Variants in NME8 observed in about 807,000 individuals in gnomAD.
NME8 encodes the protein protein NME8.
A neutral mutation model predicts 82.3 loss-of-function variants in NME8; 72 were observed. The observed-to-expected ratio is 0.87, with a 90% confidence interval of 0.72 to 1.06. NME8 has a LOEUF of 1.06. Ranked by LOEUF, NME8 falls within the 50% of genes least tolerant of loss-of-function variation. The probability of loss-of-function intolerance (pLI) is 0.00; values close to 1 mark genes in which losing one functional copy is unlikely to be tolerated. For missense variants in NME8, 712 were observed against 685.4 expected (o/e 1.04, Z -0.43); for synonymous variants, 267 against 228.5 (o/e 1.17, Z -1.52).
chr7:37,868,200 G>T (rs552006743), intron 11 of NME8, among the ~76,000 whole-genome samples: 1 of 152,136 alleles, frequency 6.6e-6, no homozygotes, highest in Non-Finnish European at 1.5e-5. Flanking sequence ...AGTGCAGCGG[G>T]GCTCCTCAGT....
intron 5 of NME8, 145 bp from the exon 6 acceptor site, chr7:37,857,129 G>A (rs1250668012): frequency 1.5e-6 from 1 of 650,826 alleles, no homozygotes; most frequent in Non-Finnish European, 2.7e-6. Flanking sequence ...AGTATGTGCA[G>A]TTTGATCCCT....
intron 16 of NME8, among the ~76,000 whole-genome samples, chr7:37,896,306 G>A (rs904321925): frequency 3.9e-5 from 6 of 152,198 alleles, no homozygotes; most frequent in African/African-American, 1.2e-4. Flanking sequence ...TCAGGCTATT[G>A]AGTAATGATG....
rs563795208 is a variant in NME8, at chr7:37,898,895, A to T, written c.*16-1349A>T. Reference sequence around the variant, plus strand: ...ACAACCCCTGACATATTGCCAGGATAAAAAAAATAGTAACAAAAATAGTGA... The same window carrying T: ...ACAACCCCTGACATATTGCCAGGATTAAAAAAATAGTAACAAAAATAGTGA... On this transcript the variant is annotated intron_variant, in intron 17 of 17. Transcript: ENST00000199447. 7.2e-5 allele frequency among the ~76,000 whole-genome samples: 11 copies of T among 152,176 alleles called. No homozygotes were observed. In the East Asian group the frequency reaches 2.1e-3, roughly 29 times the overall value.
chr7:37,851,927 C>T (rs1784443465), intron 5 of NME8, among the ~76,000 whole-genome samples: 1 of 152,120 alleles, frequency 6.6e-6, no homozygotes, highest in South Asian at 2.1e-4. Context: ...TGCCTACTGA[C>T]CTTGTATTTC....
At chr7:37,863,899 C>A (rs1433344132) in intron 8 of NME8, among the ~76,000 whole-genome samples, 1 of 152,166 alleles carries the variant, frequency 6.6e-6, no homozygotes, top group Non-Finnish European at 1.5e-5. Context: ...GGAGCAGAGG[C>A]AAACAGCCAT....
intron 13 of NME8, 56 bp from the exon 14 acceptor site, chr7:37,885,089 A>G (rs2131967879): frequency 9.6e-7 from 1 of 1,038,624 alleles, no homozygotes; most frequent in Non-Finnish European, 1.5e-6. Flanking sequence ...GCCTATACAT[A>G]ATTAGCTACT....
intron 12 of NME8, among the ~76,000 whole-genome samples, chr7:37,882,609 GAGAGAGAAAGAA>G (rs200676159): frequency 0.011 from 588 of 54,500 alleles, 12 homozygotes; most frequent in Middle Eastern, 0.034. Context: ...GAGAGAGAGA[GAGAGAGAAAGAA>G]AGAAAGAAAG....
At position 37,900,237 on chromosome 7, in the gene NME8, T is replaced by C. The variant is rs999636592; in HGVS notation, c.*16-7T>C. On this transcript the variant is annotated splice_region_variant and splice_polypyrimidine_tract_variant and intron_variant, in intron 17 of 17. Transcript: ENST00000199447. ...TATTTTATTAAGTGCATTCTTTCTT[T>C]TCCTAGAACTTTGAGAAGATAATAC... 7 of 152,226 alleles carry C rather than the reference T, an allele frequency of 4.6e-5. No individual in the cohort carries two copies. The highest frequency in any genetic ancestry group is 1.4e-4 in the African/African-American group (6 of 41,452). 9.4% of individuals were successfully genotyped at this position (152,226 alleles called of 1,614,324 possible).
intron 12 of NME8, among the ~76,000 whole-genome samples, chr7:37,880,757 G>T (rs567975480): frequency 6.6e-6 from 1 of 152,092 alleles, no homozygotes; most frequent in South Asian, 2.1e-4. Context: ...ATTAAGTCTT[G>T]TTATCTATGA....
Position 37,885,133 on chromosome 7 carries a change from CT to C in NME8, c.1140-8del, listed in dbSNP as rs780386616. On this transcript the variant is annotated splice_polypyrimidine_tract_variant and intron_variant, in intron 13 of 17. Coordinates refer to ENST00000199447, the MANE Select transcript of NME8 (RefSeq NM_016616.5). ...CTTCTTATTACCTCTTCTTTGTTTT[CT>C]TTTCTAATAGTGGTCCATCTCTAGC... 156 of 1,570,984 alleles carry C rather than the reference CT, an allele frequency of 9.9e-5. No homozygotes were observed. The highest frequency in any genetic ancestry group is 1.3e-4 in the Non-Finnish European group (144 of 1,141,676).
chr7:37,871,144 C>G (rs1382134802), intron 11 of NME8, among the ~76,000 whole-genome samples: 1 of 152,150 alleles, frequency 6.6e-6, no homozygotes, highest in Non-Finnish European at 1.5e-5. Context: ...TGATTGGTGA[C>G]CCCTCTGCGT....
rs73340811 is a variant in NME8, at chr7:37,871,439, T to A, written c.818+3541T>A. Among the ~76,000 whole-genome samples, 885 of 152,372 alleles carry A rather than the reference T, an allele frequency of 5.8e-3. 9 individuals are homozygous for A. The highest frequency in any genetic ancestry group is 0.019 in the African/African-American group (799 of 41,576). ...TAAGAAATCAAAGGATAGTGTAATT[T>A]ATCTTTGCTTTCCAGTCTTTCTACA... On this transcript the variant is annotated intron_variant, in intron 11 of 17. Transcript: ENST00000199447.
chr7:37,850,228 T>C, intron 2 of NME8, 32 bp from the exon 3 acceptor site: 1 of 1,562,172 alleles, frequency 6.4e-7, no homozygotes, highest in Non-Finnish European at 8.8e-7. Flanking sequence ...AATTTCCTAC[T>C]TAAAAATTTT....
intron 11 of NME8, among the ~76,000 whole-genome samples, chr7:37,868,482 G>T (rs913338277): frequency 6.6e-6 from 1 of 152,110 alleles, no homozygotes; most frequent in East Asian, 1.9e-4. Context: ...GGGAAGTCTA[G>T]TTACTTCTAA....
intron 5 of NME8, among the ~76,000 whole-genome samples, chr7:37,856,318 C>T (rs1302500075): frequency 1.3e-5 from 2 of 152,142 alleles, no homozygotes; most frequent in Non-Finnish European, 2.9e-5. Flanking sequence ...AAAATCAAAG[C>T]TTTTATTTAA....
intron 5 of NME8, among the ~76,000 whole-genome samples, chr7:37,853,013 G>A (rs1328175635): frequency 6.6e-6 from 1 of 152,138 alleles, no homozygotes; most frequent in Admixed American, 6.6e-5. Flanking sequence ...CTGGATTTTG[G>A]TCATCCTAAT....
Position 37,885,268 on chromosome 7 carries a change from T to C in NME8, c.1247+16T>C, listed in dbSNP as rs1301475723. ...TTCCAGAGAGGTAGGATTCATACCATGGGTCACTATCTGTTTTCGTGGGCT... is the reference window on the plus strand; with the variant it reads ...TTCCAGAGAGGTAGGATTCATACCACGGGTCACTATCTGTTTTCGTGGGCT... On this transcript the variant is annotated intron_variant, in intron 14 of 17. Transcript: ENST00000199447. 1.3e-6 allele frequency: 2 copies of C among 1,507,722 alleles called. No individual in the cohort carries two copies. The highest frequency in any genetic ancestry group is 1.8e-6 in the Non-Finnish European group (2 of 1,083,768). 93.4% of individuals were successfully genotyped at this position (1,507,722 alleles called of 1,614,324 possible). A position where few individuals can be genotyped will look rare whatever the true frequency, so the allele number is the denominator to read the frequency against.
At chr7:37,875,401 GACAC>G (rs144351597) in intron 11 of NME8, among the ~76,000 whole-genome samples, 8 of 149,578 alleles carry the variant, frequency 5.3e-5, no homozygotes, top group Non-Finnish European at 1.2e-4. Flanking sequence ...GATCTGCCAA[GACAC>G]ACACACACAC....
chr7:37,895,184 C>A (rs1785204912), intron 16 of NME8, among the ~76,000 whole-genome samples: 1 of 152,124 alleles, frequency 6.6e-6, no homozygotes, highest in African/African-American at 2.4e-5. Context: ...CCTTGTCAAA[C>A]TATGTATACA....
Sources: allele counts gnomAD v4.1 joint callset (sites outside exome capture counted in the v4.1 genomes callset), GRCh38; gene constraint gnomAD v4.1.1; transcripts MANE v1.5; gene names NCBI Gene and HGNC (gene_info 2026-07-23, HGNC 2026-07-21).